EPS8: variants seen among roughly 807,000 people sequenced by gnomAD.
EPS8 encodes the protein EGFR pathway substrate 8, signaling adaptor.
A neutral mutation model predicts 103.8 loss-of-function variants in EPS8; 42 were observed. That is an observed-to-expected ratio of 0.40 (90% confidence interval 0.32 to 0.52). The LOEUF is 0.52. EPS8 is among the 20% of genes least tolerant of loss of function. The probability of loss-of-function intolerance (pLI) is 0.40; values close to 1 mark genes in which losing one functional copy is unlikely to be tolerated. For synonymous variants in EPS8, 344 were observed against 344.6 expected, an observed-to-expected ratio of 1.00 and a Z score of 0.02; for missense variants, 969 against 1,005.1, an observed-to-expected ratio of 0.96 and a Z score of 0.49.
intron 8 of EPS8, among the ~76,000 whole-genome samples, chr12:15,663,976 T>TATATATATATATATACAC (rs35142421): frequency 9.6e-6 from 1 of 104,466 alleles, no homozygotes; most frequent in Non-Finnish European, 1.8e-5. Context: ...TATATATATA[T>TATATATATATATATACAC]ACACACACAC....
chr12:15,775,904 T>A (rs1386074219), intron 1 of EPS8, among the ~76,000 whole-genome samples: 2 of 152,162 alleles, frequency 1.3e-5, no homozygotes, highest in Non-Finnish European at 2.9e-5. Context: ...GAAACTAGAT[T>A]GGGTTACATT....
chr12:15,629,453 A>G (rs887647570), intron 18 of EPS8, among the ~76,000 whole-genome samples: 1 of 152,252 alleles, frequency 6.6e-6, no homozygotes, highest in Non-Finnish European at 1.5e-5. Context: ...TCTAAGAGGA[A>G]GTTTTCTCCT....
At chr12:15,766,655 G>A (rs1414655816) in intron 1 of EPS8, among the ~76,000 whole-genome samples, 8 of 150,346 alleles carry the variant, frequency 5.3e-5, no homozygotes, top group African/African-American at 1.7e-4. Context: ...TCCAGCCTGG[G>A]CAACAAGAGT....
At chr12:15,637,915 T>C (rs1428592453) in intron 17 of EPS8, among the ~76,000 whole-genome samples, 1 of 152,178 alleles carries the variant, frequency 6.6e-6, no homozygotes, top group East Asian at 1.9e-4. Context: ...CTATTGTTCT[T>C]TTTACCAAGT....
rs1307818397 is a variant in EPS8 at position 15,789,214 on chromosome 12, C to CGAGGTGGGAGGGGACCG, written c.-92_-76dup. On this transcript the variant is annotated 5_prime_UTR_variant, in exon 1 of 21. Transcript: ENST00000281172. This position sits in a 1 kb window ranked among gnomAD's most constrained non-coding sequence, Gnocchi z 6.1. ...TCCCCGGAGACGCCGCGAGCCCAGA[C>CGAGGTGGGAGGGGACCG]GAGGTGGGAGGGGACCGGGAGAAAG... 2.0e-5 allele frequency: 3 copies of CGAGGTGGGAGGGGACCG among 152,170 alleles called. No homozygotes were observed. The East Asian group carries it at 5.8e-4, about 30-fold the overall frequency. The allele number at this position is 152,170 out of a possible 1,614,324, so 9.4% of individuals were successfully genotyped here. A position where few individuals can be genotyped will look rare whatever the true frequency, so the allele number is the denominator to read the frequency against.
rs367659069 is a variant in EPS8, at chr12:15,650,900, G to A, written c.1357C>T (p.Leu453Phe). Residue 453 changes from leucine to phenylalanine, a missense_variant, in exon 14 of 21, where the codon CTT becomes TTT. Leu to Phe is a conservative substitution (Grantham distance 22). Transcript: ENST00000281172. ...NFMGATMEQD[L>F]YQLAESVANV... ...GCCACAGATTCTGCCAGTTGATAAA[G>A]ATCTTGTTCCATTGTGGCTCCCATA... 2 of 1,614,080 alleles carry A rather than the reference G, an allele frequency of 1.2e-6. No individual in the cohort carries two copies. The highest frequency in any genetic ancestry group is 2.7e-5 in the African/African-American group (2 of 75,036).
At chr12:15,659,962 C>A (rs563910832) in intron 10 of EPS8, among the ~76,000 whole-genome samples, 5 of 152,250 alleles carry the variant, frequency 3.3e-5, no homozygotes, top group Non-Finnish European at 7.4e-5. Context: ...TTCTAGTTTA[C>A]AACAGAATAA....
Position 15,716,303 on chromosome 12 carries a change from C to T in EPS8, c.-21-33331G>A, listed in dbSNP as rs1360491343. On this transcript the variant is annotated intron_variant, in intron 1 of 20. Coordinates refer to ENST00000281172, the MANE Select transcript of EPS8 (RefSeq NM_004447.6). This position sits in a 1 kb window ranked among gnomAD's most constrained non-coding sequence, Gnocchi z 5.0. ...TGCTGTTAAACAAAATTCTGATATA[C>T]CTTTGGCTCCTGAATTATCTATCAG... Among the ~76,000 whole-genome samples, 1 of 152,084 alleles carries T rather than the reference C, an allele frequency of 6.6e-6. No individual in the cohort carries two copies. The highest frequency in any genetic ancestry group is 1.5e-5 in the Non-Finnish European group (1 of 68,018).
intron 1 of EPS8, among the ~76,000 whole-genome samples, chr12:15,715,212 T>C (rs1946515678): frequency 6.6e-6 from 1 of 152,048 alleles, no homozygotes; most frequent in Non-Finnish European, 1.5e-5. Flanking sequence ...CTTGGTCCCC[T>C]TTCTCCAACT....
rs1171902063 is a variant in EPS8, at chr12:15,631,646, C to G, written c.1840G>C (p.Gly614Arg). 1 of 1,612,862 alleles carries G rather than the reference C, an allele frequency of 6.2e-7. No homozygotes were observed. Among genetic ancestry groups the G allele is most frequent in the African/African-American group, 1.3e-5 (1 of 74,976 alleles). Residue 614 changes from glycine (G) to arginine (R), a missense_variant, in exon 18 of 21, where the codon GGC becomes CGC. By Grantham distance (125) the Gly-to-Arg change is moderately radical. Transcript: ENST00000281172. ...GGGGGAGTATCAGCTGGTCTTGGGCCATACTCCATCCTTTGTTTCTATAAA... is the reference window on the plus strand; with the variant it reads ...GGGGGAGTATCAGCTGGTCTTGGGCGATACTCCATCCTTTGTTTCTATAAA... ...HTIQKQRMEYGPRPADTPPAP... is the reference protein window; with the variant it reads ...HTIQKQRMEYRPRPADTPPAP...
chr12:15,712,906 G>A (rs573787458), intron 1 of EPS8: 15 of 985,186 alleles, frequency 1.5e-5, no homozygotes, highest in Non-Finnish European at 1.8e-5. Context: ...ATATTGAGAG[G>A]CCATTCCACT....
intron 1 of EPS8, among the ~76,000 whole-genome samples, chr12:15,770,984 G>A (rs1344344880): frequency 6.6e-6 from 1 of 152,126 alleles, no homozygotes; most frequent in African/African-American, 2.4e-5. Flanking sequence ...CAGATATGGA[G>A]CCTACCTTAG....
chr12:15,703,993 A>G (rs1212540212), intron 1 of EPS8, among the ~76,000 whole-genome samples: 1 of 151,758 alleles, frequency 6.6e-6, no homozygotes, highest in East Asian at 1.9e-4. Flanking sequence ...CAGAGACCAC[A>G]CTTCCTAGAA....
At position 15,736,439 on chromosome 12, in the gene EPS8, C is replaced by T. The variant is rs1204010378; in HGVS notation, c.-22+52722G>A. 1.3e-5 allele frequency among the ~76,000 whole-genome samples: 2 copies of T among 152,118 alleles called. No individual in the cohort carries two copies. Among genetic ancestry groups the T allele is most frequent in the Non-Finnish European group, 2.9e-5 (2 of 68,030 alleles). On this transcript the variant is annotated intron_variant, in intron 1 of 20. Transcript: ENST00000281172. This position sits in a 1 kb window ranked among gnomAD's most constrained non-coding sequence, Gnocchi z 4.2. ...CCTGGAGGCCACACATATATGACAA[C>T]CTCAGCAATGTCATAAAGTAAGTGT...
At chr12:15,681,357 G>T in intron 2 of EPS8, 55 bp from the exon 3 acceptor site, 1 of 759,436 alleles carries the variant, frequency 1.3e-6, no homozygotes, top group Non-Finnish European at 1.8e-6. Context: ...CATTGTGTTG[G>T]GTTAAAGTCC....
intron 3 of EPS8, among the ~76,000 whole-genome samples, chr12:15,677,008 G>A (rs1565494982): frequency 6.6e-6 from 1 of 152,050 alleles, no homozygotes. Context: ...AGCATTATAG[G>A]GAGTGACATA....
chr12:15,667,131 C>T (rs1403638497), intron 6 of EPS8, among the ~76,000 whole-genome samples: 1 of 152,118 alleles, frequency 6.6e-6, no homozygotes. Flanking sequence ...TACGAAGTTT[C>T]TGTTTGGTTG....
rs539373418 is a variant in EPS8 at position 15,782,627 on chromosome 12, CTTTATCAT to C, written c.-22+6526_-22+6533del. 5.8e-4 allele frequency among the ~76,000 whole-genome samples: 88 copies of C among 152,106 alleles called. 3 individuals are homozygous for C. The South Asian group carries it at 0.018, about 31-fold the overall frequency. On this transcript the variant is annotated intron_variant, in intron 1 of 20. Transcript: ENST00000281172. ...TAATATGTATATAAATACTAGTCTA[CTTTATCAT>C]TTTATGGTAGTAACCATAAAATTTA...
In EPS8 at chr12:15,762,056, G is replaced by T. The variant is rs1947047500; in HGVS notation, c.-22+27105C>A. 6.6e-6 allele frequency among the ~76,000 whole-genome samples: 1 copy of T among 152,072 alleles called. No homozygotes were observed. The highest frequency in any genetic ancestry group is 1.5e-5 in the Non-Finnish European group (1 of 68,010). ...CCATCTGAAAAGAGATTAATAATCA[G>T]AATATATATAGAGCTCAAACAACTC... is the stretch of plus-strand genomic sequence containing the variant. On this transcript the variant is annotated intron_variant, in intron 1 of 20. Coordinates refer to ENST00000281172, the MANE Select transcript of EPS8 (RefSeq NM_004447.6). This position sits in a 1 kb window ranked among gnomAD's most constrained non-coding sequence, Gnocchi z 4.8.
Sources: gnomAD v4.1 joint callset for allele counts (sites outside exome capture counted in the v4.1 genomes callset) on GRCh38, gnomAD v4.1.1 for gene constraint, Gnocchi (gnomAD v3.1) non-coding constraint, MANE v1.5 for transcripts, NCBI Gene and HGNC (gene_info 2026-07-23, HGNC 2026-07-21) for gene names.